Variants in HNRNPM observed in about 807,000 individuals in gnomAD.
HNRNPM encodes heterogeneous nuclear ribonucleoprotein M, also known as CEA receptor.
In HNRNPM, 11 loss-of-function variants were observed where a neutral mutation model predicts 73.1. The observed-to-expected ratio is 0.15, with a 90% confidence interval of 0.09 to 0.25. HNRNPM has a LOEUF of 0.25. Among genes scored for constraint, HNRNPM ranks in the 10% least tolerant of loss-of-function variants. The pLI, the probability that HNRNPM is intolerant of heterozygous loss-of-function variation, is 1.00. For missense variants in HNRNPM, 789 were observed against 1,067.9 expected, an observed-to-expected ratio of 0.74 and a Z score of 3.64; for synonymous variants, 407 against 355.2, an observed-to-expected ratio of 1.15 and a Z score of -1.64.
At chr19:8,466,816 G>T in intron 7 of HNRNPM, among the ~76,000 whole-genome samples, 1 of 108,760 alleles carries the variant, frequency 9.2e-6, no homozygotes, top group African/African-American at 3.3e-5. Context: ...GTGATAGAGT[G>T]AGACTCAGTC....
chr19:8,485,429 C>T (rs1382660229), intron 13 of HNRNPM, among the ~76,000 whole-genome samples, 174 bp from the exon 14 acceptor site: 1 of 152,236 alleles, frequency 6.6e-6, no homozygotes, highest in African/African-American at 2.4e-5. Context: ...GGGAGGCCCC[C>T]ATGTGCCCAC....
chr19:8,480,167 G>C (rs1357506239), intron 12 of HNRNPM, among the ~76,000 whole-genome samples: 1 of 147,542 alleles, frequency 6.8e-6, no homozygotes, highest in Admixed American at 6.7e-5. Flanking sequence ...CACGAGGTTA[G>C]GAGTTCAAGA....
At position 8,483,215 on chromosome 19, in the gene HNRNPM, G is replaced by C; in HGVS notation, c.1174+4G>C. On this transcript the variant is annotated splice_donor_region_variant and intron_variant, in intron 13 of 15. Coordinates refer to ENST00000325495, the MANE Select transcript of HNRNPM (RefSeq NM_005968.5). ...ATCATTGCAAAGCAGGGAGGAGGTAGGAACCGCTTAGTTTGATGTTTTGTT... is the reference window on the plus strand; with the variant it reads ...ATCATTGCAAAGCAGGGAGGAGGTACGAACCGCTTAGTTTGATGTTTTGTT... 6.2e-7 allele frequency: 1 copy of C among 1,608,254 alleles called. No homozygotes were observed. Among genetic ancestry groups the C allele is most frequent in the Non-Finnish European group, 8.5e-7 (1 of 1,174,758 alleles).
Position 8,462,490 on chromosome 19 carries a change from C to T in HNRNPM, c.284-39C>T. 6.3e-7 allele frequency: 1 copy of T among 1,576,266 alleles called. No homozygotes were observed. Among genetic ancestry groups the T allele is most frequent in the South Asian group, 1.1e-5 (1 of 90,282 alleles). ...AATTCCCATTGTTTTCTTGGCTTTT[C>T]TCCCTTGGTTTATGTGTCGTCTGGA... On this transcript the variant is annotated intron_variant, in intron 2 of 15. Transcript: ENST00000325495. This position sits in a 1 kb window ranked among gnomAD's most constrained non-coding sequence, Gnocchi z 4.5.
At chr19:8,445,259 C>T in intron 1 of HNRNPM, 148 bp downstream of exon 1, 1 of 704,148 alleles carries the variant, frequency 1.4e-6, no homozygotes, top group Non-Finnish European at 2.1e-6. Flanking sequence ...GTAGCGGCGT[C>T]TAGGGCCGTG....
chr19:8,454,683 C>CTTTTT (rs1568263019), intron 1 of HNRNPM, among the ~76,000 whole-genome samples: 1 of 124,204 alleles, frequency 8.1e-6, no homozygotes, highest in African/African-American at 2.9e-5. Flanking sequence ...GCCCCCCCCC[C>CTTTTT]CTTTTTTTTT....
chr19:8,466,536 C>T, intron 7 of HNRNPM, 148 bp downstream of exon 7: 1 of 877,478 alleles, frequency 1.1e-6, no homozygotes, highest in Non-Finnish European at 1.8e-6. Flanking sequence ...TTAAGAGGTT[C>T]TCTGGGCCGG....
intron 12 of HNRNPM, among the ~76,000 whole-genome samples, chr19:8,479,511 G>C (rs536577042): frequency 6.6e-6 from 1 of 151,944 alleles, no homozygotes; most frequent in African/African-American, 2.4e-5. Context: ...CTGTCATCTG[G>C]GCTGGAGTAC....
At chr19:8,449,468 CT>C (rs1000448136) in intron 1 of HNRNPM, among the ~76,000 whole-genome samples, 11 of 152,164 alleles carry the variant, frequency 7.2e-5, no homozygotes, top group Non-Finnish European at 1.5e-4. Flanking sequence ...ATCAGTCCCC[CT>C]CTCTACCCTT....
rs1460309502 is a variant in HNRNPM at position 8,462,696 on chromosome 19, A to G, written c.336+115A>G. 3.4e-6 allele frequency: 3 copies of G among 895,024 alleles called. No individual in the cohort carries two copies. Among genetic ancestry groups the G allele is most frequent in the Non-Finnish European group, 1.9e-6 (1 of 537,330 alleles). 55.4% of individuals were successfully genotyped at this position (895,024 alleles called of 1,614,324 possible). On this transcript the variant is annotated intron_variant, in intron 3 of 15. Coordinates refer to ENST00000325495, the MANE Select transcript of HNRNPM (RefSeq NM_005968.5). This position sits in a 1 kb window ranked among gnomAD's most constrained non-coding sequence, Gnocchi z 4.5. ...AGTGAGTGCTCATGTTACAGTAGCTATGTTTGATTTTGCCAAACATTTGAG... is the reference window on the plus strand; with the variant it reads ...AGTGAGTGCTCATGTTACAGTAGCTGTGTTTGATTTTGCCAAACATTTGAG...
At chr19:8,449,977 T>C (rs969683619) in intron 1 of HNRNPM, among the ~76,000 whole-genome samples, 7 of 152,214 alleles carry the variant, frequency 4.6e-5, no homozygotes, top group Admixed American at 1.3e-4. Flanking sequence ...CCATTCTTTG[T>C]TGATTGTCAC....
At chr19:8,486,438 G>A (rs781598246) in intron 14 of HNRNPM, 33 bp downstream of exon 14, 1 of 1,521,148 alleles carries the variant, frequency 6.6e-7, no homozygotes, top group East Asian at 2.3e-5. Flanking sequence ...CTTGGTGGTG[G>A]TGAGCATGAG....
At chr19:8,480,117 C>G (rs1277043155) in intron 12 of HNRNPM, among the ~76,000 whole-genome samples, 1 of 142,614 alleles carries the variant, frequency 7.0e-6, no homozygotes, top group Non-Finnish European at 1.5e-5. Flanking sequence ...GTGGCTCATG[C>G]CTGTATTCCC....
intron 1 of HNRNPM, 122 bp downstream of exon 1, chr19:8,445,233 G>C: frequency 1.1e-6 from 1 of 871,824 alleles, no homozygotes; most frequent in Non-Finnish European, 1.6e-6. Flanking sequence ...GGCTGTTCCC[G>C]TACCGCCTGC....
In HNRNPM at chr19:8,462,772, G is replaced by A. The variant is rs746623365; in HGVS notation, c.336+191G>A. On this transcript the variant is annotated intron_variant, in intron 3 of 15. Coordinates refer to ENST00000325495, the MANE Select transcript of HNRNPM (RefSeq NM_005968.5). This position sits in a 1 kb window ranked among gnomAD's most constrained non-coding sequence, Gnocchi z 4.5. Reference sequence around the variant, plus strand: ...GGAGTCCCGCTTTTCCAAATGGCTGGCCAAAGAGCTTTTTGGTATTCTGTT... The same window carrying A: ...GGAGTCCCGCTTTTCCAAATGGCTGACCAAAGAGCTTTTTGGTATTCTGTT... 6.6e-6 allele frequency among the ~76,000 whole-genome samples: 1 copy of A among 152,138 alleles called. No homozygotes were observed. The highest frequency in any genetic ancestry group is 1.5e-5 in the Non-Finnish European group (1 of 67,990).
At chr19:8,461,732 T>G (rs1468778030) in intron 2 of HNRNPM, among the ~76,000 whole-genome samples, 1 of 145,860 alleles carries the variant, frequency 6.9e-6, no homozygotes, top group Non-Finnish European at 1.6e-5. Flanking sequence ...ATTTGTGTCC[T>G]TTAAATGGGG....
Position 8,488,755 on chromosome 19 carries a change from G to C in HNRNPM, c.2094G>C (p.Lys698Asn). 1 of 1,614,202 alleles carries C rather than the reference G, an allele frequency of 6.2e-7. No homozygotes were observed. The highest frequency in any genetic ancestry group is 1.1e-5 in the South Asian group (1 of 91,086). Residue 698 changes from lysine to asparagine, a missense_variant, in exon 16 of 16, where the codon AAG becomes AAC. Physicochemically the swap from Lys to Asn is moderately conservative, Grantham distance 94. Coordinates refer to ENST00000325495, the MANE Select transcript of HNRNPM (RefSeq NM_005968.5). ...NGKSKGCGVV[K>N]FESPEVAERA... ...AGTCCAAGGGGTGTGGCGTGGTTAA[G>C]TTCGAGTCGCCAGAGGTGGCCGAGA...
chr19:8,446,245 C>T (rs147668966), intron 1 of HNRNPM, among the ~76,000 whole-genome samples: 79 of 152,290 alleles, frequency 5.2e-4, no homozygotes, highest in Non-Finnish European at 9.3e-4. Context: ...ACCGTCACTG[C>T]TTCATGTCCA....
chr19:8,487,349 CAG>C lies in HNRNPM; in HGVS notation c.2029+277_2029+278del, dbSNP rs1433880898. 3.4e-5 allele frequency: 14 copies of C among 414,612 alleles called. 1 individual carries two copies. Among genetic ancestry groups the C allele is most frequent in the African/African-American group, 8.2e-5 (4 of 49,076 alleles). The allele number at this position is 414,612 out of a possible 1,614,324, so 25.7% of individuals were successfully genotyped here. A position where few individuals can be genotyped will look rare whatever the true frequency, so the allele number is the denominator to read the frequency against. On this transcript the variant is annotated intron_variant, in intron 15 of 15. Coordinates refer to ENST00000325495, the MANE Select transcript of HNRNPM (RefSeq NM_005968.5). ...GTCCCCATTTCACAGATGAGTCAGG[CAG>C]AGTCTTCCTTCTGAGGTTACCTGGC...
Sources: gnomAD v4.1 joint callset for allele counts (sites outside exome capture counted in the v4.1 genomes callset) on GRCh38, gnomAD v4.1.1 for gene constraint, Gnocchi (gnomAD v3.1) non-coding constraint, MANE v1.5 for transcripts, NCBI Gene and HGNC (gene_info 2026-07-23, HGNC 2026-07-21) for gene names.